IKBKB-DT: variants seen among roughly 807,000 people sequenced by gnomAD.
The protein encoded by IKBKB-DT is IKBKB divergent transcript.
intron 3 of IKBKB-DT, among the ~76,000 whole-genome samples, chr8:42,255,718 C>T (rs1416191258): frequency 2.6e-5 from 4 of 152,088 alleles, no homozygotes; most frequent in Non-Finnish European, 5.9e-5. Flanking sequence ...TAGATTCTTA[C>T]TGAATTTATG....
intron 3 of IKBKB-DT, among the ~76,000 whole-genome samples, chr8:42,252,318 G>A (rs527503375): frequency 2.6e-4 from 39 of 152,210 alleles, no homozygotes; most frequent in African/African-American, 7.5e-4. Context: ...CCACAGAACC[G>A]GATGACCCAC....
intron 1 of IKBKB-DT, chr8:42,270,646 C>G (rs796119131): frequency 1.2e-4 from 19 of 152,390 alleles, no homozygotes; most frequent in African/African-American, 4.1e-4. Flanking sequence ...AACACACACA[C>G]ACACCTCCTT....
chr8:42,237,396 A>C (rs1322395770), intron 3 of IKBKB-DT, among the ~76,000 whole-genome samples: 1 of 151,996 alleles, frequency 6.6e-6, no homozygotes, highest in East Asian at 1.9e-4. Flanking sequence ...TAGTCTTATG[A>C]TCTCTATTTT....
At chr8:42,271,168 C>T (rs1267776721) in exon 1 of IKBKB-DT, 14 of 593,998 alleles carry the variant, frequency 2.4e-5, no homozygotes, top group Admixed American at 2.7e-5. Flanking sequence ...GTCTAGAGAC[C>T]ACACGCCACC....
At chr8:42,262,922 G>T (rs2129932583) in intron 3 of IKBKB-DT, among the ~76,000 whole-genome samples, 1 of 151,968 alleles carries the variant, frequency 6.6e-6, no homozygotes, top group South Asian at 2.1e-4. Context: ...TGTATTTTTA[G>T]TAGAGACAGG....
At chr8:42,254,182 T>C (rs1014298033) in intron 3 of IKBKB-DT, among the ~76,000 whole-genome samples, 1 of 152,270 alleles carries the variant, frequency 6.6e-6, no homozygotes, top group Admixed American at 6.5e-5. Context: ...AGGAAAGTCT[T>C]TGAAGAGGAA....
In IKBKB-DT at chr8:42,244,218, G is replaced by T. The variant is rs144631723; in HGVS notation, n.1530-10359C>A. On this transcript the variant is annotated intron_variant and non_coding_transcript_variant, in intron 3 of 3. Transcript: ENST00000518213. ...GCCCATGTGTTTGTCACATGGATCAGGTAATTTTATTTGAATGGATTAATT... is the reference window on the plus strand; with the variant it reads ...GCCCATGTGTTTGTCACATGGATCATGTAATTTTATTTGAATGGATTAATT... 5.1e-3 allele frequency among the ~76,000 whole-genome samples: 772 copies of T among 152,258 alleles called. 15 individuals are homozygous for T. Among genetic ancestry groups the T allele is most frequent in the African/African-American group, 0.018 (730 of 41,550 alleles).
chr8:42,249,594 G>A (rs2129915546), intron 3 of IKBKB-DT, among the ~76,000 whole-genome samples: 1 of 152,154 alleles, frequency 6.6e-6, no homozygotes, highest in Non-Finnish European at 1.5e-5. Context: ...AGAAGGCCAT[G>A]CATTCAAAAA....
chr8:42,266,006 C>T, exon 2 of IKBKB-DT: 1 of 152,408 alleles, frequency 6.6e-6, no homozygotes. Flanking sequence ...TCATTCTCAC[C>T]CTCGTCTCCA....
At chr8:42,257,793 A>AT (rs946736490) in intron 3 of IKBKB-DT, among the ~76,000 whole-genome samples, 10 of 150,580 alleles carry the variant, frequency 6.6e-5, no homozygotes, top group Non-Finnish European at 1.2e-4. Flanking sequence ...TCAAAGGACA[A>AT]TTTTTTTTTT....
At chr8:42,251,061 G>A (rs994001302) in intron 3 of IKBKB-DT, among the ~76,000 whole-genome samples, 3 of 128,080 alleles carry the variant, frequency 2.3e-5, no homozygotes, top group Non-Finnish European at 4.7e-5. Context: ...CCTGGCCAAC[G>A]AGACCAGCCT....
chr8:42,256,334 G>A (rs1807199385), intron 3 of IKBKB-DT, among the ~76,000 whole-genome samples: 1 of 151,874 alleles, frequency 6.6e-6, no homozygotes, highest in Non-Finnish European at 1.5e-5. Flanking sequence ...GGCTGAGGCA[G>A]GTGGATAGCC....
chr8:42,260,015 A>AAGAGAG (rs957946092), intron 3 of IKBKB-DT, among the ~76,000 whole-genome samples: 3 of 149,946 alleles, frequency 2.0e-5, no homozygotes, highest in African/African-American at 7.3e-5. Context: ...AGAGAGAGAA[A>AAGAGAG]AGAGAGAGAG....
At chr8:42,253,776 C>T (rs1013831263) in intron 3 of IKBKB-DT, among the ~76,000 whole-genome samples, 4 of 152,306 alleles carry the variant, frequency 2.6e-5, no homozygotes, top group African/African-American at 9.6e-5. Flanking sequence ...GTACACCGAA[C>T]AAAGGAGTCA....
intron 3 of IKBKB-DT, among the ~76,000 whole-genome samples, chr8:42,259,793 A>C (rs1183505013): frequency 6.6e-6 from 1 of 152,026 alleles, no homozygotes; most frequent in African/African-American, 2.4e-5. Flanking sequence ...ACCAGCCTGA[A>C]CAACATGGCA....
chr8:42,264,865 ATTT>A (rs199943358), intron 2 of IKBKB-DT, among the ~76,000 whole-genome samples: 1 of 135,476 alleles, frequency 7.4e-6, no homozygotes. Flanking sequence ...GGCCTTAAAC[ATTT>A]TTTTTTTTTT....
chr8:42,241,222 A>ATTTTTTTTTTTTTTTTTTTTTTTTTT (rs1563274607), intron 3 of IKBKB-DT, among the ~76,000 whole-genome samples: 1 of 66,604 alleles, frequency 1.5e-5, no homozygotes, highest in Admixed American at 2.0e-4. Context: ...ATATGTTGGA[A>ATTTTTTTTTTTTTTTTTTTTTTTTTT]TCTTTTTTTT....
intron 3 of IKBKB-DT, chr8:42,249,362 C>A (rs998692848): frequency 1.3e-5 from 2 of 151,400 alleles, no homozygotes; most frequent in African/African-American, 4.9e-5. Context: ...GAGCAGGCCC[C>A]TGTTTCAAAA....
intron 3 of IKBKB-DT, among the ~76,000 whole-genome samples, chr8:42,252,006 A>C (rs1036418870): frequency 3.3e-5 from 5 of 152,208 alleles, no homozygotes; most frequent in Admixed American, 1.3e-4. Context: ...TAGATAAGCA[A>C]GCTGGAAGCT....
Sources: allele counts gnomAD v4.1 joint callset (sites outside exome capture counted in the v4.1 genomes callset), GRCh38; gene constraint gnomAD v4.1.1; transcripts MANE v1.5; gene names NCBI Gene and HGNC (gene_info 2026-07-23, HGNC 2026-07-21).